PDZD2: variants seen among roughly 807,000 people sequenced by gnomAD.
The protein encoded by PDZD2 is PDZ domain containing 2, also known as PDZ domain-containing protein 2.
A neutral mutation model predicts 220.7 loss-of-function variants in PDZD2; 90 were observed. The ratio of observed to expected loss-of-function variants is 0.41; its 90% confidence interval spans 0.34 to 0.49. PDZD2 has a LOEUF of 0.49. PDZD2 is among the 20% of genes least tolerant of loss of function. The pLI is 0.28. For missense variants in PDZD2, 3,174 were observed against 3,608.5 expected (o/e 0.88, Z 3.08); for synonymous variants, 1,375 against 1,450.5 (o/e 0.95, Z 1.18).
At chr5:31,959,158 A>G (rs1195273748) in intron 2 of PDZD2, among the ~76,000 whole-genome samples, 1 of 149,844 alleles carries the variant, frequency 6.7e-6, no homozygotes, top group Non-Finnish European at 1.5e-5. Flanking sequence ...GTCTTCAACT[A>G]CTGACCTTGT....
intron 6 of PDZD2, among the ~76,000 whole-genome samples, chr5:32,026,203 C>T (rs890850135): frequency 6.7e-6 from 1 of 149,820 alleles, no homozygotes; most frequent in African/African-American, 2.5e-5. Flanking sequence ...GTGGCACAAT[C>T]TTGGCTCACT....
intron 2 of PDZD2, among the ~76,000 whole-genome samples, chr5:31,961,367 A>AT (rs1748211306): frequency 9.9e-6 from 1 of 100,940 alleles, no homozygotes; most frequent in Admixed American, 1.1e-4. Context: ...CTCCGTCTCT[A>AT]CAAAAAAAAA....
At chr5:32,058,474 G>A (rs2112332277) in intron 12 of PDZD2, among the ~76,000 whole-genome samples, 2 of 151,092 alleles carry the variant, frequency 1.3e-5, no homozygotes, top group South Asian at 4.2e-4. Flanking sequence ...TTTGAGACCA[G>A]CCTCCCCAAC....
chr5:31,988,344 A>G (rs545284716), intron 3 of PDZD2, among the ~76,000 whole-genome samples: 19 of 150,892 alleles, frequency 1.3e-4, no homozygotes, highest in Middle Eastern at 3.4e-3. Context: ...TACCTTTACC[A>G]GTTTATTATA....
intron 2 of PDZD2, among the ~76,000 whole-genome samples, chr5:31,955,805 G>T (rs1747623405): frequency 2.0e-5 from 3 of 148,900 alleles, no homozygotes; most frequent in Non-Finnish European, 4.4e-5. Flanking sequence ...AACTGCTTTT[G>T]CTGTGTCGAA....
In PDZD2 at chr5:32,090,689, T is replaced by C. The variant is rs751363537; in HGVS notation, c.7241T>C (p.Met2414Thr). The C allele has an allele frequency of 1.9e-6, 3 of 1,614,156 alleles. No homozygotes were observed. The highest frequency in any genetic ancestry group is 3.3e-5 in the Admixed American group (2 of 60,016). The change falls in exon 20 of 25, where the codon ATG becomes ACG. Residue 2414 changes from methionine (M) to threonine (T), a missense_variant. Around this residue, in one of 4 missense-constraint regions of PDZD2, gnomAD observed 631 missense variants for 789.9 expected, o/e 0.80. Coordinates refer to ENST00000438447, the MANE Select transcript of PDZD2 (RefSeq NM_178140.4). This position sits in a 1 kb window ranked among gnomAD's most constrained non-coding sequence, Gnocchi z 4.3. ...GAAGCCGGCACCCTCCTGCCCCAGATGGCCAAGTCTCCCTCAATCATGACA... is the reference window on the plus strand; with the variant it reads ...GAAGCCGGCACCCTCCTGCCCCAGACGGCCAAGTCTCCCTCAATCATGACA... ...QSEAGTLLPQ[M>T]AKSPSIMTLT... is the part of the protein sequence containing the mutation.
At chr5:31,847,455 G>A (rs115081265) in intron 2 of PDZD2, 2 of 569,724 alleles carry the variant, frequency 3.5e-6, no homozygotes, top group East Asian at 7.1e-5. Context: ...TCATTTGTCA[G>A]ATTGCGTATG....
intron 2 of PDZD2, among the ~76,000 whole-genome samples, chr5:31,852,186 G>A (rs1257676274): frequency 6.6e-6 from 1 of 152,164 alleles, no homozygotes; most frequent in South Asian, 2.1e-4. Context: ...CAGCACTTAC[G>A]TGCCCCAGAC....
intron 2 of PDZD2, among the ~76,000 whole-genome samples, chr5:31,962,859 G>C (rs1748382822): frequency 6.6e-6 from 1 of 151,912 alleles, no homozygotes; most frequent in Admixed American, 6.6e-5. Flanking sequence ...TCCCCTTCCA[G>C]ATTCTTCCAG....
At chr5:31,923,605 T>A in intron 2 of PDZD2, 1 of 745,192 alleles carries the variant, frequency 1.3e-6, no homozygotes, top group Non-Finnish European at 2.5e-6. Flanking sequence ...CTGGCTCGGA[T>A]AAGAGATGGG....
rs199626584 is a variant in PDZD2 at position 32,074,445 on chromosome 5, C to T, written c.3339C>T (p.Gly1113=). 2.5e-6 allele frequency: 4 copies of T among 1,614,070 alleles called. No individual in the cohort carries two copies. In the East Asian group the frequency reaches 8.9e-5, roughly 36 times the overall value. Residue 1113 remains glycine, a synonymous_variant, in exon 18 of 25, where the codon GGC becomes GGT. Coordinates refer to ENST00000438447, the MANE Select transcript of PDZD2 (RefSeq NM_178140.4). The stretch of plus-strand genomic sequence containing the variant: ...GTTCCCCCCAGCAGAAAAGTGAAGG[C>T]CTGGGCTCCAGGCACAGACCAGTGG... ...SPSSPQQKSE[G]LGSRHRPVAR...
chr5:31,896,240 C>T (rs1025681096), intron 2 of PDZD2, among the ~76,000 whole-genome samples: 2 of 151,734 alleles, frequency 1.3e-5, no homozygotes, highest in Admixed American at 1.3e-4. Flanking sequence ...TCCATGTCAG[C>T]TGGTTTCTTG....
At chr5:31,701,024 G>T (rs1188218763) in intron 1 of PDZD2, among the ~76,000 whole-genome samples, 1 of 152,168 alleles carries the variant, frequency 6.6e-6, no homozygotes, top group African/African-American at 2.4e-5. Context: ...CCCAAGGGGG[G>T]ACAGGTGTGC....
chr5:31,689,349 A>ATTTTTTT (rs1215483289), intron 1 of PDZD2, among the ~76,000 whole-genome samples: 1 of 27,842 alleles, frequency 3.6e-5, no homozygotes, highest in East Asian at 3.3e-3. Context: ...ATATATATAT[A>ATTTTTTT]TATATTTTTT....
At chr5:31,822,578 T>A in intron 2 of PDZD2, 1 of 1,040,056 alleles carries the variant, frequency 9.6e-7, no homozygotes, top group Non-Finnish European at 1.4e-6. Flanking sequence ...GCCTCCTGAA[T>A]GGTTCGTTTT....
chr5:31,917,853 T>A (rs1743827558), intron 2 of PDZD2, among the ~76,000 whole-genome samples: 1 of 152,106 alleles, frequency 6.6e-6, no homozygotes, highest in South Asian at 2.1e-4. Flanking sequence ...ATCAATTCTG[T>A]CTCAGCCTCC....
rs1400046592 is a variant in PDZD2 at position 32,090,692 on chromosome 5, C to T, written c.7244C>T (p.Ala2415Val). Residue 2415 changes from alanine (A) to valine (V), a missense_variant, in exon 20 of 25, where the codon GCC becomes GTC. By Grantham distance (64) the Ala-to-Val change is moderately conservative. Transcript: ENST00000438447. This position sits in a 1 kb window ranked among gnomAD's most constrained non-coding sequence, Gnocchi z 4.3. ...GCCGGCACCCTCCTGCCCCAGATGG[C>T]CAAGTCTCCCTCAATCATGACACTG... ...SEAGTLLPQM[A>V]KSPSIMTLTI... The T allele has an allele frequency of 1.2e-6, 2 of 1,614,056 alleles. No homozygotes were observed. Among genetic ancestry groups the T allele is most frequent in the Non-Finnish European group, 1.7e-6 (2 of 1,180,038 alleles).
At chr5:31,780,856 G>A (rs185966855) in intron 1 of PDZD2, among the ~76,000 whole-genome samples, 21 of 152,298 alleles carry the variant, frequency 1.4e-4, no homozygotes, top group African/African-American at 4.6e-4. Flanking sequence ...AGCAGTTCCA[G>A]GCGTGTCACT....
chr5:32,060,539 G>A (rs1310455990), intron 13 of PDZD2, among the ~76,000 whole-genome samples: 2 of 152,134 alleles, frequency 1.3e-5, no homozygotes, highest in African/African-American at 2.4e-5. Flanking sequence ...GCTGGTGGTC[G>A]AGGGGTTCTG....
Sources: gnomAD v4.1 joint callset for allele counts (sites outside exome capture counted in the v4.1 genomes callset) on GRCh38, gnomAD v4.1.1 for gene constraint, gnomAD v4.1.1 regional missense constraint, Gnocchi (gnomAD v3.1) non-coding constraint, MANE v1.5 for transcripts, NCBI Gene and HGNC (gene_info 2026-07-23, HGNC 2026-07-21) for gene names.